Variants in RBM19 observed in about 807,000 individuals in gnomAD.
The protein encoded by RBM19 is probable RNA-binding protein 19.
In RBM19, 94 loss-of-function variants were observed where a neutral mutation model predicts 116.8. The ratio of observed to expected loss-of-function variants is 0.80; its 90% CI spans 0.68 to 0.95. The LOEUF (loss-of-function observed/expected upper bound fraction) is 0.95. RBM19 is among the 40% of genes least tolerant of loss of function. The pLI is 0.00. For synonymous variants in RBM19, 475 were observed against 494.1 expected, an observed-to-expected ratio of 0.96 and a Z score of 0.51; for missense variants, 1,161 against 1,220.7, an observed-to-expected ratio of 0.95 and a Z score of 0.73.
intron 2 of RBM19, among the ~76,000 whole-genome samples, chr12:113,961,500 A>G (rs1872494016): frequency 6.6e-6 from 1 of 152,216 alleles, no homozygotes; most frequent in South Asian, 2.1e-4. Context: ...TACAAATCCT[A>G]TCCTATGGCC....
chr12:113,915,200 C>T (rs913298262), intron 20 of RBM19, 115 bp from the exon 21 acceptor site: 67 of 897,940 alleles, frequency 7.5e-5, no homozygotes, highest in Admixed American at 4.7e-4. Context: ...AAGGAGTGTG[C>T]GTGGGGTGCG....
intron 21 of RBM19, among the ~76,000 whole-genome samples, chr12:113,906,722 C>G (rs1023952964): frequency 6.6e-6 from 1 of 151,940 alleles, no homozygotes; most frequent in Admixed American, 6.5e-5. Flanking sequence ...ACGCAAATGT[C>G]CCCTGCTTGG....
At chr12:113,897,683 A>G (rs1029063187) in intron 21 of RBM19, among the ~76,000 whole-genome samples, 2 of 152,208 alleles carry the variant, frequency 1.3e-5, no homozygotes, top group African/African-American at 4.8e-5. Context: ...ATAGACTCTC[A>G]GGGCGGCCAT....
chr12:113,866,329 G>A (rs1470342745), intron 21 of RBM19, among the ~76,000 whole-genome samples: 1 of 152,202 alleles, frequency 6.6e-6, no homozygotes, highest in Admixed American at 6.5e-5. Context: ...GAGGTGTGGA[G>A]GAGGGCCTTT....
intron 23 of RBM19, among the ~76,000 whole-genome samples, 169 bp from the exon 24 acceptor site, chr12:113,823,490 C>T (rs542630457): frequency 6.6e-5 from 10 of 150,618 alleles, no homozygotes; most frequent in Admixed American, 6.6e-4. Context: ...TTGGGGAGAG[C>T]GGAGGGAGAG....
intron 22 of RBM19, among the ~76,000 whole-genome samples, chr12:113,855,525 T>C (rs541439422): frequency 6.6e-6 from 1 of 152,226 alleles, no homozygotes; most frequent in African/African-American, 2.4e-5. Context: ...TGACAGGAAA[T>C]GGGATCAATG....
At chr12:113,899,382 C>T (rs1014120509) in intron 21 of RBM19, among the ~76,000 whole-genome samples, 2 of 152,214 alleles carry the variant, frequency 1.3e-5, no homozygotes, top group Admixed American at 6.5e-5. Context: ...GCTTTACCAG[C>T]CTCACTGACC....
intron 21 of RBM19, among the ~76,000 whole-genome samples, chr12:113,901,425 T>C (rs1881678639): frequency 6.6e-6 from 1 of 152,210 alleles, no homozygotes; most frequent in South Asian, 2.1e-4. Context: ...AGGCTACTGC[T>C]GGCATACTTT....
chr12:113,844,581 C>T (rs904455391), intron 23 of RBM19, 87 bp downstream of exon 23: 34 of 1,496,110 alleles, frequency 2.3e-5, no homozygotes, highest in Middle Eastern at 1.8e-4. Context: ...CCTGCTGGGT[C>T]GAGGGCAGTT....
intron 21 of RBM19, among the ~76,000 whole-genome samples, chr12:113,884,918 TA>T (rs71089425): frequency 0.94 from 142,982 of 152,166 alleles, 67,217 homozygotes; most frequent in East Asian, 0.99. Context: ...CCCACACTGA[TA>T]AAAAAATAAG....
At chr12:113,962,725 A>G (rs796178400) in intron 1 of RBM19, among the ~76,000 whole-genome samples, 13 of 152,364 alleles carry the variant, frequency 8.5e-5, no homozygotes, top group African/African-American at 3.1e-4. Context: ...CGTCTGCTAC[A>G]TAGTAGATAC....
At position 113,851,734 on chromosome 12, in the gene RBM19, G is replaced by GTT. The variant is rs11361920; in HGVS notation, c.2665-6948_2665-6947dup. ...TGTTGCTGGTGCCATTTGTGGTAAA[G>GTT]TTTTTTTTTTTTTTTTTAATTTAAA... On this transcript the variant is annotated intron_variant, in intron 22 of 23. Coordinates refer to ENST00000261741, the MANE Select transcript of RBM19 (RefSeq NM_016196.4). Among the ~76,000 whole-genome samples, 328 of 144,198 alleles carry GTT rather than the reference G, an allele frequency of 2.3e-3. 1 individual carries two copies. Among genetic ancestry groups the GTT allele is most frequent in the Middle Eastern group, 0.011 (3 of 272 alleles). 94.6% of individuals were successfully genotyped at this position (144,198 alleles called of 152,430 possible). A position where few individuals can be genotyped will look rare whatever the true frequency, so the allele number is the denominator to read the frequency against.
At chr12:113,856,457 C>T (rs1877910584) in intron 22 of RBM19, among the ~76,000 whole-genome samples, 1 of 152,198 alleles carries the variant, frequency 6.6e-6, no homozygotes, top group Non-Finnish European at 1.5e-5. Flanking sequence ...CCTGGTTGGA[C>T]CCTCCATGTC....
chr12:113,926,279 A>G (rs1869064075), intron 17 of RBM19, among the ~76,000 whole-genome samples: 1 of 152,248 alleles, frequency 6.6e-6, no homozygotes, highest in African/African-American at 2.4e-5. Flanking sequence ...AGGGATTTTT[A>G]GAAATCAATC....
At chr12:113,914,748 G>C (rs1593577667) in intron 21 of RBM19, among the ~76,000 whole-genome samples, 1 of 152,238 alleles carries the variant, frequency 6.6e-6, no homozygotes, top group Admixed American at 6.5e-5. Context: ...CCTCGGAGAG[G>C]GGGAAGCCTG....
intron 16 of RBM19, 123 bp downstream of exon 16, chr12:113,936,884 G>T: frequency 7.6e-7 from 1 of 1,309,994 alleles, no homozygotes; most frequent in Non-Finnish European, 1.0e-6. Context: ...AGCCCTGCTG[G>T]TCTCTAGCAT....
downstream of RBM19, among the ~76,000 whole-genome samples, chr12:113,819,766 G>A (rs1225539144): frequency 2.0e-5 from 3 of 152,098 alleles, no homozygotes; most frequent in Admixed American, 1.3e-4. Flanking sequence ...CTCGTAAGAC[G>A]CTTTCACCAG....
chr12:113,918,766 G>A (rs1882936483), intron 19 of RBM19, among the ~76,000 whole-genome samples: 1 of 152,246 alleles, frequency 6.6e-6, no homozygotes, highest in Admixed American at 6.5e-5. Flanking sequence ...AGGCCCTTAG[G>A]TCTGGCTTGC....
chr12:113,927,973 AAGTT>A (rs1869254283), intron 16 of RBM19, among the ~76,000 whole-genome samples: 1 of 152,248 alleles, frequency 6.6e-6, no homozygotes, highest in South Asian at 2.1e-4. Flanking sequence ...CATCATATAA[AAGTT>A]AGAGAAAAAT....
Sources: gnomAD v4.1 joint callset for allele counts (sites outside exome capture counted in the v4.1 genomes callset) on GRCh38, gnomAD v4.1.1 for gene constraint, MANE v1.5 for transcripts, NCBI Gene and HGNC (gene_info 2026-07-23, HGNC 2026-07-21) for gene names.